Variants in XKR4 observed in about 807,000 individuals in gnomAD.
The protein encoded by XKR4 is XK-related protein 4.
XKR4 carries 12 observed loss-of-function variants against 53.9 expected under a neutral mutation model. The observed-to-expected ratio is 0.22, with a 90% CI of 0.14 to 0.36. The LOEUF (loss-of-function observed/expected upper bound fraction) is 0.36. XKR4 is among the 10% of genes least tolerant of loss of function. XKR4 has a pLI of 1.00. For synonymous variants in XKR4, 354 were observed against 362.4 expected (o/e 0.98, Z 0.26); for missense variants, 799 against 859.5 (o/e 0.93, Z 0.88).
chr8:55,111,980 T>C (rs1446128934), intron 1 of XKR4, among the ~76,000 whole-genome samples: 1 of 152,208 alleles, frequency 6.6e-6, no homozygotes, highest in Non-Finnish European at 1.5e-5. Flanking sequence ...TGCACTCTGC[T>C]AGAAGAACAG....
chr8:55,215,734 A>G (rs1817788949), intron 1 of XKR4, among the ~76,000 whole-genome samples: 1 of 152,240 alleles, frequency 6.6e-6, no homozygotes, highest in Admixed American at 6.5e-5. Flanking sequence ...AGAAACTAGG[A>G]CAAGAACATA....
chr8:55,381,399 G>T (rs143545899), intron 2 of XKR4, among the ~76,000 whole-genome samples: 21 of 152,122 alleles, frequency 1.4e-4, no homozygotes, highest in Non-Finnish European at 2.5e-4. Flanking sequence ...GAGGCTAAAA[G>T]GTCCCACTCT....
At chr8:55,167,592 A>T (rs1246214344) in intron 1 of XKR4, among the ~76,000 whole-genome samples, 2 of 152,194 alleles carry the variant, frequency 1.3e-5, no homozygotes, top group Non-Finnish European at 2.9e-5. Context: ...GTTGCATATG[A>T]CCACTGAGAT....
intron 2 of XKR4, among the ~76,000 whole-genome samples, chr8:55,442,721 C>A (rs998110542): frequency 6.6e-6 from 1 of 152,134 alleles, no homozygotes; most frequent in African/African-American, 2.4e-5. Context: ...AAACCAGACA[C>A]AAAATATCAA....
chr8:55,124,643 A>G (rs1326572817), intron 1 of XKR4, among the ~76,000 whole-genome samples: 1 of 152,208 alleles, frequency 6.6e-6, no homozygotes, highest in Non-Finnish European at 1.5e-5. Context: ...ATTTAGTGAC[A>G]TTTGGCCATG....
intron 1 of XKR4, among the ~76,000 whole-genome samples, chr8:55,200,848 C>T (rs764325570): frequency 6.6e-6 from 1 of 152,210 alleles, no homozygotes; most frequent in Non-Finnish European, 1.5e-5. Flanking sequence ...ACAGGTTACA[C>T]ATTTGGTAAT....
At chr8:55,476,079 G>C (rs576472900) in intron 2 of XKR4, among the ~76,000 whole-genome samples, 1 of 152,090 alleles carries the variant, frequency 6.6e-6, no homozygotes, top group African/African-American at 2.4e-5. Context: ...GTTCACTTAG[G>C]GTACTTGAAA....
intron 1 of XKR4, among the ~76,000 whole-genome samples, chr8:55,203,602 C>T (rs901404531): frequency 6.6e-6 from 1 of 152,136 alleles, no homozygotes; most frequent in Non-Finnish European, 1.5e-5. Context: ...GTGGCAGGGG[C>T]AGCAGTGCTC....
At chr8:55,429,368 G>A (rs868458419) in intron 2 of XKR4, among the ~76,000 whole-genome samples, 2 of 152,032 alleles carry the variant, frequency 1.3e-5, no homozygotes, top group Admixed American at 6.5e-5. Context: ...AGAGCAAAGA[G>A]TTTTAAACTT....
intron 2 of XKR4, among the ~76,000 whole-genome samples, chr8:55,402,192 G>A (rs1028581498): frequency 6.6e-6 from 1 of 152,244 alleles, no homozygotes; most frequent in South Asian, 2.1e-4. Flanking sequence ...GGAAAGGTAT[G>A]AGGGACCTCA....
intron 1 of XKR4, among the ~76,000 whole-genome samples, chr8:55,232,396 C>G (rs1304984367): frequency 6.6e-6 from 1 of 152,164 alleles, no homozygotes. Context: ...TTGTGATTCT[C>G]TCAGTGTCCT....
At chr8:55,172,418 C>G (rs948992857) in intron 1 of XKR4, among the ~76,000 whole-genome samples, 1 of 152,082 alleles carries the variant, frequency 6.6e-6, no homozygotes, top group African/African-American at 2.4e-5. Context: ...CAATTGCTCC[C>G]CTGCTCCAAA....
chr8:55,214,779 C>T (rs1817778758), intron 1 of XKR4, among the ~76,000 whole-genome samples: 1 of 152,162 alleles, frequency 6.6e-6, no homozygotes, highest in Non-Finnish European at 1.5e-5. Context: ...GGAGGAGGAA[C>T]TACCCTCCAC....
chr8:55,307,076 A>G (rs1426131984), intron 1 of XKR4, among the ~76,000 whole-genome samples: 1 of 152,138 alleles, frequency 6.6e-6, no homozygotes, highest in Non-Finnish European at 1.5e-5. Flanking sequence ...GAGACCTAGG[A>G]CTAGGCAATG....
chr8:55,211,946 A>G (rs1817737364), intron 1 of XKR4, among the ~76,000 whole-genome samples: 1 of 152,192 alleles, frequency 6.6e-6, no homozygotes. Flanking sequence ...ACATCAGTCA[A>G]TACATGTAAG....
intron 2 of XKR4, among the ~76,000 whole-genome samples, chr8:55,394,763 AT>A (rs1804491123): frequency 1.3e-5 from 2 of 152,092 alleles, no homozygotes; most frequent in South Asian, 2.1e-4. Context: ...TCACTTTTAG[AT>A]TTTTTCTTCA....
intron 2 of XKR4, among the ~76,000 whole-genome samples, chr8:55,479,494 A>G (rs576474654): frequency 6.6e-6 from 1 of 152,298 alleles, no homozygotes; most frequent in South Asian, 2.1e-4. Context: ...AAAGAATTAG[A>G]AAAGCAAGAG....
chr8:55,194,583 C>T (rs145449523), intron 1 of XKR4, among the ~76,000 whole-genome samples: 359 of 152,288 alleles, frequency 2.4e-3, no homozygotes, highest in Non-Finnish European at 2.9e-3. Flanking sequence ...TGATGGCTCT[C>T]AACAGGATAT....
chr8:55,412,518 C>A (rs1804790904), intron 2 of XKR4, among the ~76,000 whole-genome samples: 1 of 152,152 alleles, frequency 6.6e-6, no homozygotes, highest in African/African-American at 2.4e-5. Context: ...ACATTTGCAC[C>A]CGGCGCTGCG....
Sources: allele counts gnomAD v4.1 joint callset (sites outside exome capture counted in the v4.1 genomes callset), GRCh38; gene constraint gnomAD v4.1.1; transcripts MANE v1.5; gene names NCBI Gene and HGNC (gene_info 2026-07-23, HGNC 2026-07-21).